The following PLCB4 variants were observed in gnomAD, a reference collection of about 807,000 sequenced individuals.
The protein encoded by PLCB4 is phospholipase C beta 4, also known as 1-phosphatidylinositol 4,5-bisphosphate phosphodiesterase beta-4.
In PLCB4, 77 loss-of-function variants were observed where a neutral mutation model predicts 178.8. The observed-to-expected ratio is 0.43, with a 90% CI of 0.36 to 0.52. The LOEUF (loss-of-function observed/expected upper bound fraction) is 0.52, where lower values mean the gene tolerates loss of function less well. Among genes scored for constraint, PLCB4 ranks in the 20% least tolerant of loss-of-function variants. The pLI, the probability that PLCB4 is intolerant of heterozygous loss-of-function variation, is 0.00. For synonymous variants in PLCB4, 496 were observed against 490.8 expected, an observed-to-expected ratio of 1.01 and a Z score of -0.14; for missense variants, 1,024 against 1,453.4, an observed-to-expected ratio of 0.70 and a Z score of 4.80.
chr20:9,203,039 G>GT (rs1470121931), intron 2 of PLCB4, among the ~76,000 whole-genome samples: 30 of 91,634 alleles, frequency 3.3e-4, no homozygotes, highest in Admixed American at 9.8e-4. Context: ...GTTGTCTTTG[G>GT]TAAAAAAAAA....
intron 2 of PLCB4, among the ~76,000 whole-genome samples, chr20:9,140,733 AT>A (rs2146868576): frequency 6.6e-6 from 1 of 151,998 alleles, no homozygotes; most frequent in African/African-American, 2.4e-5. Context: ...GCCTTCCACC[AT>A]GAGTAAAAGC....
At chr20:9,236,537 T>C (rs1448292445) in intron 3 of PLCB4, among the ~76,000 whole-genome samples, 1 of 152,158 alleles carries the variant, frequency 6.6e-6, no homozygotes, top group East Asian at 1.9e-4. Flanking sequence ...CACAAGGCAG[T>C]GTCTAATCTT....
Position 9,401,578 on chromosome 20 carries a change from T to C in PLCB4, c.1599T>C (p.Asn533=), listed in dbSNP as rs2039025684. The C allele has an allele frequency of 6.2e-7, 1 of 1,611,190 alleles. No homozygotes were observed. The highest frequency in any genetic ancestry group is 8.5e-7 in the Non-Finnish European group (1 of 1,177,556). Residue 533 remains asparagine, a synonymous_variant, in exon 20 of 40, where the codon AAT becomes AAC. Transcript: ENST00000378473. Reference sequence around the variant, plus strand: ...TGGGTCACAAGGAAGCTGTTGCAAATAGCGTCAAGAAGGTCAGAGTCCCCT... The same window carrying C: ...TGGGTCACAAGGAAGCTGTTGCAAACAGCGTCAAGAAGGTCAGAGTCCCCT... ...DDLGHKEAVA[N]SVKKASDDLE...
chr20:9,210,245 A>G (rs1475482566), intron 2 of PLCB4, among the ~76,000 whole-genome samples: 1 of 152,208 alleles, frequency 6.6e-6, no homozygotes, highest in Non-Finnish European at 1.5e-5. Flanking sequence ...TTGTAGAGCC[A>G]GTTGGCCACA....
chr20:9,372,956 A>G (rs1430918375), intron 11 of PLCB4, 91 bp from the exon 12 acceptor site: 1 of 622,612 alleles, frequency 1.6e-6, no homozygotes, highest in African/African-American at 1.9e-5. Context: ...AAATAAGTTT[A>G]GAATTATCAT....
chr20:9,284,228 T>A (rs2094518162), intron 3 of PLCB4, among the ~76,000 whole-genome samples: 1 of 151,940 alleles, frequency 6.6e-6, no homozygotes, highest in East Asian at 1.9e-4. Context: ...ATCTTAGATA[T>A]GGTGACATTT....
Position 9,444,239 on chromosome 20 carries a change from C to T in PLCB4, c.2876C>T (p.Ala959Val), listed in dbSNP as rs541602393. 1.3e-6 allele frequency: 2 copies of T among 1,580,650 alleles called. No homozygotes were observed. Among genetic ancestry groups the T allele is most frequent in the Admixed American group, 1.7e-5 (1 of 59,772 alleles). ...CTAAATTCTTTAAAGAAGAAACATG[C>T]AAAGGTACAGTGCTCTACAGCTACT... is the stretch of plus-strand genomic sequence containing the variant. ...KELNSLKKKH[A>V]KEHSTMQKLH... Residue 959 changes from alanine (A) to valine (V), a missense_variant, in exon 32 of 40, where the codon GCA becomes GTA. Physicochemically the swap from Ala to Val is moderately conservative, Grantham distance 64 (BLOSUM62 0). Transcript: ENST00000378473.
intron 2 of PLCB4, among the ~76,000 whole-genome samples, chr20:9,110,553 C>T (rs1374425446): frequency 6.6e-6 from 1 of 152,138 alleles, no homozygotes; most frequent in African/African-American, 2.4e-5. Context: ...TGAGGTTCTC[C>T]TTCATCTTTT....
intron 3 of PLCB4, among the ~76,000 whole-genome samples, chr20:9,294,381 G>A (rs1333816702): frequency 6.6e-6 from 1 of 152,008 alleles, no homozygotes; most frequent in African/African-American, 2.4e-5. Flanking sequence ...TAACTCTTAA[G>A]GATGAAGCTT....
chr20:9,395,032 C>T (rs1236766658), intron 18 of PLCB4, among the ~76,000 whole-genome samples: 1 of 152,108 alleles, frequency 6.6e-6, no homozygotes, highest in Non-Finnish European at 1.5e-5. Flanking sequence ...ATCTTTCTGA[C>T]TTATAGAAAA....
intron 7 of PLCB4, 115 bp downstream of exon 7, chr20:9,339,152 G>A (rs564520765): frequency 5.1e-6 from 4 of 790,206 alleles, no homozygotes; most frequent in African/African-American, 1.8e-5. Flanking sequence ...TTAAAAGTTA[G>A]CATTGCTTTG....
intron 30 of PLCB4, among the ~76,000 whole-genome samples, chr20:9,437,963 A>G (rs993643543): frequency 6.6e-6 from 1 of 152,192 alleles, no homozygotes; most frequent in African/African-American, 2.4e-5. Context: ...CCTAGTTAAA[A>G]TCTAGTAGTC....
At chr20:9,128,442 A>G (rs1271496903) in intron 2 of PLCB4, among the ~76,000 whole-genome samples, 1 of 152,130 alleles carries the variant, frequency 6.6e-6, no homozygotes, top group Non-Finnish European at 1.5e-5. Context: ...TTTGAAATAG[A>G]ATCTCACTCT....
intron 7 of PLCB4, among the ~76,000 whole-genome samples, chr20:9,340,450 ACTC>A (rs1266415760): frequency 6.6e-6 from 1 of 151,880 alleles, no homozygotes; most frequent in East Asian, 1.9e-4. Context: ...AAGTTTGAGA[ACTC>A]CTGTTTTGTA....
intron 2 of PLCB4, among the ~76,000 whole-genome samples, chr20:9,183,680 C>T (rs920763438): frequency 3.3e-5 from 5 of 151,882 alleles, no homozygotes; most frequent in Admixed American, 6.6e-5. Flanking sequence ...TGTATACAGA[C>T]GTTTAAAGTT....
At chr20:9,416,722 T>A (rs973861519) in intron 25 of PLCB4, among the ~76,000 whole-genome samples, 1 of 152,212 alleles carries the variant, frequency 6.6e-6, no homozygotes, top group African/African-American at 2.4e-5. Context: ...AGCTTTTATA[T>A]TAATATTGTG....
intron 28 of PLCB4, among the ~76,000 whole-genome samples, chr20:9,427,184 C>T (rs1344094049): frequency 1.3e-5 from 2 of 152,048 alleles, no homozygotes; most frequent in African/African-American, 2.4e-5. Flanking sequence ...GAGTTCATGC[C>T]ACCGCACTCC....
chr20:9,458,170 T>C (rs2043171987), intron 34 of PLCB4, among the ~76,000 whole-genome samples: 1 of 152,132 alleles, frequency 6.6e-6, no homozygotes, highest in South Asian at 2.1e-4. Flanking sequence ...CCAGCCAGCC[T>C]CATCTATCTA....
At chr20:9,259,805 GA>G (rs1382168321) in intron 3 of PLCB4, among the ~76,000 whole-genome samples, 3 of 151,472 alleles carry the variant, frequency 2.0e-5, no homozygotes, top group East Asian at 3.9e-4. Flanking sequence ...GACTTAGTAT[GA>G]AAAAAAAGAA....
Sources: allele counts gnomAD v4.1 joint callset (sites outside exome capture counted in the v4.1 genomes callset), GRCh38; gene constraint gnomAD v4.1.1; transcripts MANE v1.5; gene names NCBI Gene and HGNC (gene_info 2026-07-23, HGNC 2026-07-21).